The following ZCCHC24 variants were observed in gnomAD, a reference collection of about 807,000 sequenced individuals.
The protein encoded by ZCCHC24 is zinc finger CCHC domain-containing protein 24.
ZCCHC24 carries 10 observed loss-of-function variants against 26.2 expected under a neutral mutation model. The ratio of observed to expected loss-of-function variants is 0.38; its 90% CI spans 0.24 to 0.65. The LOEUF is 0.65. Ranked by LOEUF, ZCCHC24 falls within the 30% of genes least tolerant of loss-of-function variation. ZCCHC24 has a pLI of 0.54. For synonymous variants in ZCCHC24, 144 were observed against 147.1 expected (o/e 0.98, Z 0.15); for missense variants, 243 against 329.1 (o/e 0.74, Z 2.03).
chr10:79,434,876 C>A (rs535527877), intron 1 of ZCCHC24, among the ~76,000 whole-genome samples: 4 of 151,448 alleles, frequency 2.6e-5, no homozygotes, highest in Non-Finnish European at 2.9e-5. Flanking sequence ...ACTCCATGCC[C>A]GTGAAACAAC....
chr10:79,430,554 A>G (rs1857110461), intron 2 of ZCCHC24, among the ~76,000 whole-genome samples: 1 of 152,050 alleles, frequency 6.6e-6, no homozygotes. Flanking sequence ...GATGATCTCT[A>G]TGAAGGAAGA....
intron 2 of ZCCHC24, among the ~76,000 whole-genome samples, chr10:79,431,908 C>T (rs1857135767): frequency 6.6e-6 from 1 of 152,218 alleles, no homozygotes; most frequent in Admixed American, 6.5e-5. Flanking sequence ...CAGGGACCAT[C>T]CTGTAGGTGG....
At chr10:79,410,443 T>A (rs1460552956) in intron 2 of ZCCHC24, among the ~76,000 whole-genome samples, 1 of 152,194 alleles carries the variant, frequency 6.6e-6, no homozygotes, top group Non-Finnish European at 1.5e-5. Context: ...CCTTCTGGGA[T>A]GTGCTCAGGA....
chr10:79,424,634 G>C (rs1164600043), intron 2 of ZCCHC24, among the ~76,000 whole-genome samples: 2 of 152,108 alleles, frequency 1.3e-5, no homozygotes, highest in Admixed American at 1.3e-4. Flanking sequence ...CCACTAGCAG[G>C]ATCTTTCAAA....
intron 3 of ZCCHC24, among the ~76,000 whole-genome samples, chr10:79,391,839 G>A (rs1168303176): frequency 2.0e-5 from 3 of 150,968 alleles, no homozygotes; most frequent in Admixed American, 2.0e-4. Flanking sequence ...CTTGTCCTTT[G>A]CGGTGACTCA....
At chr10:79,436,654 C>T (rs1857221216) in intron 1 of ZCCHC24, among the ~76,000 whole-genome samples, 1 of 152,268 alleles carries the variant, frequency 6.6e-6, no homozygotes, top group Non-Finnish European at 1.5e-5. Flanking sequence ...CTCCATTGCC[C>T]CACAGCCTGC....
chr10:79,435,934 G>A (rs142464860), intron 1 of ZCCHC24, among the ~76,000 whole-genome samples: 227 of 152,328 alleles, frequency 1.5e-3, no homozygotes, highest in African/African-American at 5.1e-3. Context: ...CCTCCTGCTC[G>A]GAGCTGGGGC....
At chr10:79,432,832 C>A in intron 1 of ZCCHC24, 74 bp from the exon 2 acceptor site, 2 of 1,484,060 alleles carry the variant, frequency 1.3e-6, no homozygotes, top group Non-Finnish European at 1.8e-6. Context: ...CCCAAACACA[C>A]GCATGGATTC....
At chr10:79,399,880 C>A (rs573359681) in intron 2 of ZCCHC24, among the ~76,000 whole-genome samples, 35 of 152,324 alleles carry the variant, frequency 2.3e-4, no homozygotes, top group African/African-American at 7.9e-4. Context: ...TGCGTGAAAT[C>A]TCTTGAGGTT....
chr10:79,400,865 C>A (rs993162224), intron 2 of ZCCHC24, among the ~76,000 whole-genome samples: 1 of 152,268 alleles, frequency 6.6e-6, no homozygotes, highest in Admixed American at 6.5e-5. Flanking sequence ...CTGCTCCTTC[C>A]ATTTTAAGGG....
chr10:79,400,587 T>C (rs935432432), intron 2 of ZCCHC24, among the ~76,000 whole-genome samples: 17 of 152,374 alleles, frequency 1.1e-4, no homozygotes, highest in African/African-American at 4.1e-4. Flanking sequence ...TTGCCTTTAA[T>C]GAGTGGGTAT....
chr10:79,395,280 T>A (rs1856530942), intron 2 of ZCCHC24, among the ~76,000 whole-genome samples: 2 of 152,210 alleles, frequency 1.3e-5, no homozygotes, highest in South Asian at 4.1e-4. Flanking sequence ...GCTACTGCAT[T>A]CTGTTTAACA....
chr10:79,431,448 T>TG (rs1857126523), intron 2 of ZCCHC24, among the ~76,000 whole-genome samples: 1 of 152,090 alleles, frequency 6.6e-6, no homozygotes, highest in South Asian at 2.1e-4. Context: ...GAGTCTGGGA[T>TG]GGGGGCACAC....
Position 79,386,477 on chromosome 10 carries a change from A to AG in ZCCHC24, c.613-20dup. The AG allele has an allele frequency of 1.9e-6, 3 of 1,564,338 alleles. No individual in the cohort carries two copies. Among genetic ancestry groups the AG allele is most frequent in the Non-Finnish European group, 2.6e-6 (3 of 1,145,918 alleles). On this transcript the variant is annotated intron_variant, in intron 3 of 3. Coordinates refer to ENST00000372336, the MANE Select transcript of ZCCHC24 (RefSeq NM_153367.4). ...GGGGTCTCTGCAGAGAGAAGGAGGA[A>AG]GGGGCCCAGGGGAGTGAGGGGAGAG...
chr10:79,413,779 T>TGTGA (rs1365480096), intron 2 of ZCCHC24, among the ~76,000 whole-genome samples: 35,485 of 146,244 alleles, frequency 0.24, 4,736 homozygotes, highest in East Asian at 0.52. Context: ...TGTGTGTGTG[T>TGTGA]GAGAGAGAGA....
intron 2 of ZCCHC24, among the ~76,000 whole-genome samples, chr10:79,424,558 C>T (rs566178484): frequency 4.6e-5 from 7 of 152,316 alleles, no homozygotes; most frequent in Admixed American, 4.6e-4. Flanking sequence ...AGTCATCAGT[C>T]CCTATCCATG....
chr10:79,402,581 T>G (rs1345171150), intron 2 of ZCCHC24, among the ~76,000 whole-genome samples: 1 of 152,232 alleles, frequency 6.6e-6, no homozygotes, highest in Non-Finnish European at 1.5e-5. Context: ...GGCCAGAGCC[T>G]TGGTTTTTCT....
chr10:79,426,638 T>C (rs1395737170), intron 2 of ZCCHC24, among the ~76,000 whole-genome samples: 1 of 152,056 alleles, frequency 6.6e-6, no homozygotes, highest in Non-Finnish European at 1.5e-5. Context: ...ACACAATGTA[T>C]AAGATAAGCC....
intron 2 of ZCCHC24, among the ~76,000 whole-genome samples, chr10:79,406,572 A>G (rs1326234030): frequency 1.3e-5 from 2 of 152,200 alleles, no homozygotes; most frequent in Non-Finnish European, 2.9e-5. Context: ...AGTGTCCCCA[A>G]ATGGTCACTT....
Sources: allele counts gnomAD v4.1 joint callset (sites outside exome capture counted in the v4.1 genomes callset), GRCh38; gene constraint gnomAD v4.1.1; transcripts MANE v1.5; gene names NCBI Gene and HGNC (gene_info 2026-07-23, HGNC 2026-07-21).